The following ZFHX3 variants were observed in gnomAD, a reference collection of about 807,000 sequenced individuals.
The protein encoded by ZFHX3 is zinc finger homeobox protein 3.
ZFHX3 carries 42 observed loss-of-function variants against 279.1 expected under a neutral mutation model. The observed-to-expected ratio is 0.15, with a 90% confidence interval of 0.12 to 0.19. ZFHX3 has a LOEUF of 0.19. ZFHX3 is among the 10% of genes least tolerant of loss of function. ZFHX3 has a pLI of 1.00. For missense variants in ZFHX3, 4,981 were observed against 4,754.0 expected (o/e 1.05, Z -1.40); for synonymous variants, 2,293 against 1,957.8 (o/e 1.17, Z -4.52).
intron 2 of ZFHX3, among the ~76,000 whole-genome samples, chr16:73,547,701 C>T (rs1437190213): frequency 6.6e-6 from 1 of 152,154 alleles, no homozygotes; most frequent in Non-Finnish European, 1.5e-5. Context: ...TTAAACCTGA[C>T]TCAAGAGAGG....
chr16:73,646,714 G>A (rs561693749), intron 2 of ZFHX3, among the ~76,000 whole-genome samples: 1 of 152,270 alleles, frequency 6.6e-6, no homozygotes, highest in Admixed American at 6.5e-5. Flanking sequence ...CGAAACCTCC[G>A]TGAAATGAAA....
At chr16:73,205,856 G>T (rs764194120) in intron 5 of ZFHX3, among the ~76,000 whole-genome samples, 5 of 152,146 alleles carry the variant, frequency 3.3e-5, no homozygotes. Flanking sequence ...GGCTTCTATT[G>T]TTCCTTCTTC....
intron 1 of ZFHX3, among the ~76,000 whole-genome samples, chr16:73,860,131 C>G (rs1961842653): frequency 6.6e-6 from 1 of 152,178 alleles, no homozygotes; most frequent in Non-Finnish European, 1.5e-5. Context: ...GCGAGACCAT[C>G]CTGACGTGCC....
At chr16:73,552,057 G>C (rs1024300749) in intron 2 of ZFHX3, among the ~76,000 whole-genome samples, 1 of 152,040 alleles carries the variant, frequency 6.6e-6, no homozygotes, top group African/African-American at 2.4e-5. Context: ...GAGAGAGAGA[G>C]AAAGAGAGAG....
At chr16:72,997,740 G>A (rs1963347627) in intron 1 of ZFHX3, among the ~76,000 whole-genome samples, 1 of 152,042 alleles carries the variant, frequency 6.6e-6, no homozygotes, top group Admixed American at 6.6e-5. Context: ...CATCTAAAAG[G>A]GGAACCACCT....
intron 1 of ZFHX3, among the ~76,000 whole-genome samples, chr16:73,877,720 A>G (rs2029999794): frequency 6.6e-6 from 1 of 152,196 alleles, no homozygotes; most frequent in Non-Finnish European, 1.5e-5. Context: ...ATTCAGTGGA[A>G]AGAGGATTTT....
At chr16:72,927,346 C>T (rs543778059) in intron 3 of ZFHX3, among the ~76,000 whole-genome samples, 22 of 152,288 alleles carry the variant, frequency 1.4e-4, no homozygotes, top group Non-Finnish European at 2.9e-4. Context: ...CGAGTCTTTC[C>T]TTAACAATCC....
chr16:73,157,591 T>A (rs1967125749), intron 5 of ZFHX3, among the ~76,000 whole-genome samples: 1 of 152,134 alleles, frequency 6.6e-6, no homozygotes, highest in African/African-American at 2.4e-5. Context: ...AGTTCATTGT[T>A]TCCAATTTGG....
chr16:73,145,176 C>T (rs1294487105), intron 5 of ZFHX3, among the ~76,000 whole-genome samples: 1 of 152,166 alleles, frequency 6.6e-6, no homozygotes, highest in African/African-American at 2.4e-5. Context: ...TGTTTCTGTA[C>T]TTCAAGCTCA....
intron 3 of ZFHX3, among the ~76,000 whole-genome samples, chr16:72,899,908 C>T (rs770916340): frequency 4.6e-5 from 7 of 152,196 alleles, no homozygotes; most frequent in Admixed American, 1.3e-4. Context: ...ACTGAACATA[C>T]CTATTTGTTA....
chr16:73,539,022 T>A (rs894989547), intron 2 of ZFHX3, among the ~76,000 whole-genome samples: 2 of 152,148 alleles, frequency 1.3e-5, no homozygotes, highest in African/African-American at 4.8e-5. Context: ...GCAGGTATGA[T>A]CCAGAGAGGG....
intron 8 of ZFHX3, among the ~76,000 whole-genome samples, chr16:73,070,938 G>GCACACACACA (rs768410525): frequency 1.9e-3 from 43 of 22,620 alleles, no homozygotes; most frequent in African/African-American, 3.7e-3. Flanking sequence ...GCGCGCGCGC[G>GCACACACACA]CACACACACA....
intron 5 of ZFHX3, among the ~76,000 whole-genome samples, chr16:73,180,680 T>TG (rs1319901138): frequency 6.6e-6 from 1 of 152,084 alleles, no homozygotes; most frequent in East Asian, 1.9e-4. Flanking sequence ...TTTTTTTTTT[T>TG]GAGACAGAAT....
At chr16:73,593,136 C>A (rs965450251) in intron 2 of ZFHX3, among the ~76,000 whole-genome samples, 12 of 151,972 alleles carry the variant, frequency 7.9e-5, no homozygotes, top group African/African-American at 2.9e-4. Flanking sequence ...AATCAAAAAT[C>A]CTCCCACAAA....
chr16:73,292,976 G>C (rs531861935), intron 4 of ZFHX3, among the ~76,000 whole-genome samples: 1 of 152,352 alleles, frequency 6.6e-6, no homozygotes, highest in Admixed American at 6.5e-5. Context: ...GGGATTCAGA[G>C]ATGGCATCTA....
chr16:72,797,817 G>A lies in ZFHX3; in HGVS notation c.4865C>T (p.Thr1622Ile). 6.2e-7 allele frequency: 1 copy of A among 1,614,108 alleles called. No homozygotes were observed. Among genetic ancestry groups the A allele is most frequent in the Non-Finnish European group, 8.5e-7 (1 of 1,180,038 alleles). Residue 1622 changes from threonine to isoleucine, a missense_variant, in exon 9 of 10, where the codon ACC (threonine) becomes ATC (isoleucine). Physicochemically the swap from Thr to Ile is moderately conservative, Grantham distance 89. Coordinates refer to ENST00000268489, the MANE Select transcript of ZFHX3 (RefSeq NM_006885.4). ...EIHMRSVLHQ[T>I]KARAAKLEAA... is the part of the protein sequence containing the mutation. ...CTCCAGCTTGGCTGCCCGGGCCTTGGTTTGATGTAACACAGACCTCATATG... is the reference window on the plus strand; with the variant it reads ...CTCCAGCTTGGCTGCCCGGGCCTTGATTTGATGTAACACAGACCTCATATG...
At chr16:73,068,052 T>G (rs1188982131) in intron 8 of ZFHX3, among the ~76,000 whole-genome samples, 1 of 152,204 alleles carries the variant, frequency 6.6e-6, no homozygotes, top group East Asian at 1.9e-4. Context: ...GCACCTACCT[T>G]GCCTTAGCTC....
intron 1 of ZFHX3, among the ~76,000 whole-genome samples, chr16:73,793,282 C>G (rs927347418): frequency 6.6e-6 from 1 of 152,322 alleles, no homozygotes; most frequent in African/African-American, 2.4e-5. Context: ...AAAAAAATTT[C>G]TCTGTACATT....
intron 7 of ZFHX3, chr16:73,127,202 G>T: frequency 1.9e-6 from 1 of 538,654 alleles, no homozygotes; most frequent in Non-Finnish European, 2.9e-6. Context: ...ATGCAAACCA[G>T]AGCAGTCGTG....
Sources: allele counts gnomAD v4.1 joint callset (sites outside exome capture counted in the v4.1 genomes callset), GRCh38; gene constraint gnomAD v4.1.1; transcripts MANE v1.5; gene names NCBI Gene and HGNC (gene_info 2026-07-23, HGNC 2026-07-21).